Variants in HTR2A observed in about 807,000 individuals in gnomAD.
HTR2A encodes 5-hydroxytryptamine receptor 2A, also known as 5-HT2 receptor.
A neutral mutation model predicts 31.0 loss-of-function variants in HTR2A; 14 were observed. The ratio of observed to expected loss-of-function variants is 0.45; its 90% CI spans 0.30 to 0.71. The LOEUF (loss-of-function observed/expected upper bound fraction) is 0.71. Among genes scored for constraint, HTR2A ranks in the 30% least tolerant of loss-of-function variants. The probability of loss-of-function intolerance (pLI) is 0.09; values close to 1 mark genes in which losing one functional copy is unlikely to be tolerated. For missense variants in HTR2A, 442 were observed against 573.3 expected (o/e 0.77, Z 2.34); for synonymous variants, 209 against 225.2 (o/e 0.93, Z 0.64).
intron 3 of HTR2A, among the ~76,000 whole-genome samples, chr13:46,869,788 T>C (rs1219298974): frequency 6.6e-6 from 1 of 152,064 alleles, no homozygotes; most frequent in Non-Finnish European, 1.5e-5. Context: ...GTATGCTAAG[T>C]GAAATAAGCC....
In HTR2A at chr13:46,835,008, C is replaced by T. The variant is rs367917231; in HGVS notation, c.1245G>A (p.Pro415=). Reference sequence around the variant, plus strand: ...GTTGGCTAGACTTGTAGGCCAAAGCCGGTATTGTGTTCACTAAAATTAACT... The same window carrying T: ...GTTGGCTAGACTTGTAGGCCAAAGCTGGTATTGTGTTCACTAAAATTAACT... ...PLQLILVNTI[P]ALAYKSSQLQ... Residue 415 remains proline (P), a synonymous_variant, in exon 4 of 4, where the codon CCG becomes CCA. Coordinates refer to ENST00000542664, the MANE Select transcript of HTR2A (RefSeq NM_000621.5). 23 of 1,613,966 alleles carry T rather than the reference C, an allele frequency of 1.4e-5. No individual in the cohort carries two copies. In the African/African-American group the frequency reaches 2.0e-4, roughly 14 times the overall value.
chr13:46,836,627 A>G (rs1417647254), intron 3 of HTR2A, among the ~76,000 whole-genome samples: 1 of 152,206 alleles, frequency 6.6e-6, no homozygotes. Context: ...AACCAAACCC[A>G]GTACAGTGAA....
chr13:46,860,799 A>G (rs2138213435), intron 3 of HTR2A, among the ~76,000 whole-genome samples: 1 of 152,320 alleles, frequency 6.6e-6, no homozygotes, highest in Middle Eastern at 3.4e-3. Context: ...ATGGGTTACT[A>G]TTATTAAGAT....
chr13:46,886,894 G>A (rs1029995129), intron 3 of HTR2A, among the ~76,000 whole-genome samples: 2 of 152,144 alleles, frequency 1.3e-5, no homozygotes, highest in Non-Finnish European at 2.9e-5. Context: ...TGGAGAACAC[G>A]TCAGGCTTTC....
chr13:46,872,046 A>G (rs1950866585), intron 3 of HTR2A, among the ~76,000 whole-genome samples: 1 of 152,222 alleles, frequency 6.6e-6, no homozygotes, highest in Non-Finnish European at 1.5e-5. Context: ...TCTTTACAAT[A>G]CCATGGTGTT....
intron 2 of HTR2A, among the ~76,000 whole-genome samples, chr13:46,893,894 G>C (rs1055549960): frequency 6.6e-6 from 1 of 152,168 alleles, no homozygotes; most frequent in Non-Finnish European, 1.5e-5. Flanking sequence ...ATGCCACAAG[G>C]GATATTTAGA....
chr13:46,858,981 G>C (rs1950760280), intron 3 of HTR2A, among the ~76,000 whole-genome samples: 1 of 152,214 alleles, frequency 6.6e-6, no homozygotes, highest in Non-Finnish European at 1.5e-5. Flanking sequence ...GCAAGGAACA[G>C]CAATTTTAAT....
intron 3 of HTR2A, among the ~76,000 whole-genome samples, chr13:46,863,630 G>GAAAAAAAAAAAAAAAAAAGAAA (rs1950796936): frequency 6.8e-5 from 4 of 59,254 alleles, no homozygotes; most frequent in Admixed American, 2.6e-4. Context: ...CCCTCAAAAT[G>GAAAAAAAAAAAAAAAAAAGAAA]AAAAAAAAAA....
intron 3 of HTR2A, among the ~76,000 whole-genome samples, chr13:46,846,305 G>A (rs146579591): frequency 1.1e-4 from 17 of 152,186 alleles, no homozygotes; most frequent in African/African-American, 4.1e-4. Context: ...AGTAAATATA[G>A]TATTGTCTAA....
intron 3 of HTR2A, among the ~76,000 whole-genome samples, chr13:46,881,014 C>T (rs1950957188): frequency 6.6e-6 from 1 of 152,204 alleles, no homozygotes; most frequent in South Asian, 2.1e-4. Context: ...GAGAAGTCAG[C>T]TGCCACTCTG....
intron 3 of HTR2A, among the ~76,000 whole-genome samples, chr13:46,891,786 C>T (rs1371637826): frequency 6.6e-6 from 1 of 152,150 alleles, no homozygotes; most frequent in Non-Finnish European, 1.5e-5. Context: ...GACAGAAGAT[C>T]AATACTGGCG....
At chr13:46,872,793 G>A (rs753352706) in intron 3 of HTR2A, among the ~76,000 whole-genome samples, 1 of 152,162 alleles carries the variant, frequency 6.6e-6, no homozygotes, top group Non-Finnish European at 1.5e-5. Flanking sequence ...GATAGTGTAG[G>A]CAGTGCTTCT....
chr13:46,897,051 TCTGA>T, exon 1 of HTR2A: 2 of 531,282 alleles, frequency 3.8e-6, no homozygotes, highest in Non-Finnish European at 6.6e-6. Flanking sequence ...GGAGTAGCTC[TCTGA>T]CTGTCTCGTT....
chr13:46,867,299 G>A (rs1950825099), intron 3 of HTR2A, among the ~76,000 whole-genome samples: 1 of 152,178 alleles, frequency 6.6e-6, no homozygotes, highest in African/African-American at 2.4e-5. Flanking sequence ...TGTGCTAGGT[G>A]CCAAATACTT....
chr13:46,896,624 AC>A, intron 1 of HTR2A, 49 bp downstream of exon 1: 5 of 1,372,810 alleles, frequency 3.6e-6, no homozygotes, highest in African/African-American at 2.9e-5. Flanking sequence ...ATGATTTCAA[AC>A]CGGAAAGAAA....
At position 46,835,336 on chromosome 13, in the gene HTR2A, T is replaced by A; in HGVS notation, c.917A>T (p.Tyr306Phe). ...QRSIHREPGS[Y>F]TGRRTMQSIS... ...GGACTGCATAGTCCTCCTGCCTGTG[T>A]AGGACCCTGGCTCCCTATGGATCGA... Residue 306 changes from tyrosine (Y) to phenylalanine (F), a missense_variant, in exon 4 of 4, where the codon TAC (tyrosine) becomes TTC (phenylalanine). By Grantham distance (22) the Tyr-to-Phe change is conservative. This residue lies in a region of HTR2A where 174 missense variants were observed against 195.1 expected (regional missense o/e 0.89). Transcript: ENST00000542664. 1 of 1,614,110 alleles carries A rather than the reference T, an allele frequency of 6.2e-7. No homozygotes were observed. Among genetic ancestry groups the A allele is most frequent in the Non-Finnish European group, 8.5e-7 (1 of 1,179,990 alleles).
intron 3 of HTR2A, among the ~76,000 whole-genome samples, chr13:46,838,116 A>G (rs890839981): frequency 1.3e-5 from 2 of 152,234 alleles, no homozygotes; most frequent in African/African-American, 4.8e-5. Context: ...TAAGGGCATG[A>G]TTTCTAAGAA....
At chr13:46,856,212 C>A (rs546842024) in intron 3 of HTR2A, 17 of 152,274 alleles carry the variant, frequency 1.1e-4, no homozygotes, top group African/African-American at 4.1e-4. Flanking sequence ...CATTACAATA[C>A]AAAGCAAAAC....
At chr13:46,837,158 T>C (rs951688117) in intron 3 of HTR2A, among the ~76,000 whole-genome samples, 1 of 152,168 alleles carries the variant, frequency 6.6e-6, no homozygotes, top group African/African-American at 2.4e-5. Flanking sequence ...CTAATCATGC[T>C]ATGTGCCCCA....
Sources: gnomAD v4.1 joint callset for allele counts (sites outside exome capture counted in the v4.1 genomes callset) on GRCh38, gnomAD v4.1.1 for gene constraint, gnomAD v4.1.1 regional missense constraint, MANE v1.5 for transcripts, NCBI Gene and HGNC (gene_info 2026-07-23, HGNC 2026-07-21) for gene names.